GYPC: variants seen among roughly 807,000 people sequenced by gnomAD.
GYPC encodes glycophorin-C.
In GYPC, 14 loss-of-function variants were observed where a neutral mutation model predicts 12.6. The observed-to-expected ratio is 1.11, with a 90% CI of 0.74 to 1.74. The LOEUF (loss-of-function observed/expected upper bound fraction) is 1.74. Among genes scored for constraint, GYPC ranks in the 40% most tolerant of loss-of-function variants. GYPC has a pLI of 0.00. For synonymous variants in GYPC, 78 were observed against 62.1 expected (o/e 1.26, Z -1.20); for missense variants, 225 against 172.1 (o/e 1.31, Z -1.72).
At chr2:126,671,563 G>C (rs543057268) in intron 1 of GYPC, among the ~76,000 whole-genome samples, 7 of 152,178 alleles carry the variant, frequency 4.6e-5, no homozygotes, top group African/African-American at 1.7e-4. Context: ...ATGTGTGTCC[G>C]TATTCTTCCA....
At chr2:126,674,419 G>T (rs1037986262) in intron 1 of GYPC, among the ~76,000 whole-genome samples, 32 of 151,430 alleles carry the variant, frequency 2.1e-4, no homozygotes, top group Admixed American at 4.0e-4. Context: ...GCTTCTGGGG[G>T]CTATGGGCAA....
chr2:126,682,366 G>A (rs1470669042), intron 1 of GYPC, among the ~76,000 whole-genome samples: 1 of 152,156 alleles, frequency 6.6e-6, no homozygotes, highest in Non-Finnish European at 1.5e-5. Flanking sequence ...AGAAGGGTGT[G>A]TGCATGGACC....
chr2:126,675,200 C>A (rs879873515), intron 1 of GYPC, among the ~76,000 whole-genome samples: 9 of 152,176 alleles, frequency 5.9e-5, no homozygotes, highest in African/African-American at 2.2e-4. Context: ...GGGGCTTTCC[C>A]AGATTCCCTT....
chr2:126,662,851 T>C (rs1165929724), intron 1 of GYPC, among the ~76,000 whole-genome samples: 1 of 152,110 alleles, frequency 6.6e-6, no homozygotes, highest in Non-Finnish European at 1.5e-5. Flanking sequence ...AGTGTGTGCG[T>C]GTGTGCTTAA....
At chr2:126,689,066 T>C (rs1224344722) in intron 1 of GYPC, among the ~76,000 whole-genome samples, 2 of 152,204 alleles carry the variant, frequency 1.3e-5, no homozygotes, top group East Asian at 3.8e-4. Context: ...CTAGACATCC[T>C]ACCCTCTTTG....
intron 1 of GYPC, among the ~76,000 whole-genome samples, chr2:126,683,718 C>T (rs1354991277): frequency 7.2e-5 from 11 of 152,202 alleles, no homozygotes; most frequent in Admixed American, 2.6e-4. Context: ...TTCTAAGTCA[C>T]GGCAGCCTCA....
chr2:126,694,981 C>G (rs923067970), intron 3 of GYPC, among the ~76,000 whole-genome samples: 16 of 152,158 alleles, frequency 1.1e-4, no homozygotes, highest in Non-Finnish European at 2.2e-4. Context: ...GACCGCCCCT[C>G]GCACAGCCAC....
intron 1 of GYPC, among the ~76,000 whole-genome samples, chr2:126,684,289 T>A (rs1357377199): frequency 6.6e-6 from 1 of 152,210 alleles, no homozygotes; most frequent in Admixed American, 6.5e-5. Context: ...CGAATGCACA[T>A]GTGCTTTATG....
At chr2:126,695,655 G>C (rs1051914018) in intron 3 of GYPC, among the ~76,000 whole-genome samples, 7 of 141,600 alleles carry the variant, frequency 4.9e-5, no homozygotes, top group African/African-American at 1.6e-4. Context: ...CTCTGGGTCA[G>C]ATGATTTTGC....
At chr2:126,672,164 G>C (rs1021808169) in intron 1 of GYPC, among the ~76,000 whole-genome samples, 2 of 152,156 alleles carry the variant, frequency 1.3e-5, no homozygotes, top group African/African-American at 4.8e-5. Context: ...ACCTGTTACA[G>C]CATCCAGAAT....
intron 1 of GYPC, among the ~76,000 whole-genome samples, chr2:126,676,840 G>C (rs547535808): frequency 2.0e-5 from 3 of 152,198 alleles, no homozygotes; most frequent in Non-Finnish European, 4.4e-5. Flanking sequence ...ACTTGAGCCA[G>C]GGCAGGTGGC....
intron 1 of GYPC, among the ~76,000 whole-genome samples, chr2:126,664,186 C>G (rs569740455): frequency 6.4e-4 from 97 of 152,078 alleles, no homozygotes; most frequent in African/African-American, 2.2e-3. Flanking sequence ...TGAGTATTCC[C>G]TTTTTAAAAA....
At chr2:126,682,968 G>T (rs1209403779) in intron 1 of GYPC, among the ~76,000 whole-genome samples, 1 of 152,120 alleles carries the variant, frequency 6.6e-6, no homozygotes, top group African/African-American at 2.4e-5. Context: ...GTCTGCTGGG[G>T]GTCAGGCTGG....
chr2:126,658,539 A>T (rs1013877112), intron 1 of GYPC: 1 of 152,246 alleles, frequency 6.6e-6, no homozygotes, highest in Non-Finnish European at 1.5e-5. Context: ...GGCCACAGCC[A>T]AAACATCTTC....
rs1683550721 is a variant in GYPC, at chr2:126,693,854, C to G, written c.107-10C>G. On this transcript the variant is annotated splice_polypyrimidine_tract_variant and intron_variant, in intron 2 of 3. Transcript: ENST00000259254. ...CTCTCTGACCTCAGATTCTTGTCCT[C>G]TGTTCACAGAGCCTGATCCAGGGAT... 4.4e-6 allele frequency: 7 copies of G among 1,588,316 alleles called. No homozygotes were observed. The highest frequency in any genetic ancestry group is 5.2e-6 in the Non-Finnish European group (6 of 1,156,300).
At chr2:126,685,300 C>T (rs907322002) in intron 1 of GYPC, among the ~76,000 whole-genome samples, 9 of 152,210 alleles carry the variant, frequency 5.9e-5, no homozygotes, top group Non-Finnish European at 5.9e-5. Flanking sequence ...TGTTCCTTCC[C>T]CCATTGCTGT....
intron 1 of GYPC, among the ~76,000 whole-genome samples, chr2:126,674,461 G>C (rs28387141): frequency 0.2 from 17,372 of 88,284 alleles, 1,061 homozygotes; most frequent in African/African-American, 0.24. Context: ...CAAGTGGGGG[G>C]GGAATACAGG....
In GYPC at chr2:126,675,720, T is replaced by C. The variant is rs1682978370; in HGVS notation, c.50-14535T>C. On this transcript the variant is annotated intron_variant, in intron 1 of 3. Transcript: ENST00000259254. ...AGACTTCTTAGTCTGATCTTCAGGATCCTTCATTGCCCTTTCCTCACCCAA... is the reference window on the plus strand; with the variant it reads ...AGACTTCTTAGTCTGATCTTCAGGACCCTTCATTGCCCTTTCCTCACCCAA... The C allele has an allele frequency of 5.1e-6, 5 of 983,284 alleles. No individual in the cohort carries two copies. In the South Asian group the frequency reaches 2.4e-4, roughly 46 times the overall value. 60.9% of individuals were successfully genotyped at this position (983,284 alleles called of 1,614,324 possible).
chr2:126,692,333 G>A (rs1412144773), intron 2 of GYPC, among the ~76,000 whole-genome samples: 2 of 152,074 alleles, frequency 1.3e-5, no homozygotes, highest in East Asian at 1.9e-4. Context: ...TCTGTGTCCT[G>A]CTGTGGACCC....
Sources: allele counts gnomAD v4.1 joint callset (sites outside exome capture counted in the v4.1 genomes callset), GRCh38; gene constraint gnomAD v4.1.1; transcripts MANE v1.5; gene names NCBI Gene and HGNC (gene_info 2026-07-23, HGNC 2026-07-21).